The following POLRMT variants were observed in gnomAD, a reference collection of about 807,000 sequenced individuals.
The protein encoded by POLRMT is RNA polymerase mitochondrial, also known as DNA-directed RNA polymerase, mitochondrial.
A neutral mutation model predicts 132.2 loss-of-function variants in POLRMT; 114 were observed. The observed-to-expected ratio is 0.86, with a 90% CI of 0.74 to 1.01. The LOEUF is 1.01. Among genes scored for constraint, POLRMT ranks in the 50% least tolerant of loss-of-function variants. POLRMT has a pLI of 0.00. For synonymous variants in POLRMT, 1,020 were observed against 773.4 expected (o/e 1.32, Z -5.29); for missense variants, 2,003 against 1,729.1 (o/e 1.16, Z -2.81).
chr19:623,573 G>A lies in POLRMT; in HGVS notation c.1171C>T (p.Leu391=). The change falls in exon 6 of 21, where the codon CTG becomes TTG. Residue 391 remains leucine (L), a synonymous_variant. Coordinates refer to ENST00000588649, the MANE Select transcript of POLRMT (RefSeq NM_005035.4). ...AGGCACTGCAGGGTCTTCAAGGGCA[G>A]GTGCAGCTTCGGGTAGGACACACGC... is the stretch of plus-strand genomic sequence containing the variant. ...DGRVSYPKLH[L]PLKTLQCLFE... 3 of 1,613,742 alleles carry A rather than the reference G, an allele frequency of 1.9e-6. No homozygotes were observed. Among genetic ancestry groups the A allele is most frequent in the Non-Finnish European group, 2.5e-6 (3 of 1,179,996 alleles).
Position 630,025 on chromosome 19 carries a change from C to A in POLRMT, c.337G>T (p.Asp113Tyr). 6.2e-7 allele frequency: 1 copy of A among 1,613,900 alleles called. No individual in the cohort carries two copies. The highest frequency in any genetic ancestry group is 8.5e-7 in the Non-Finnish European group (1 of 1,180,034). Residue 113 changes from aspartate (D) to tyrosine (Y), a missense_variant, in exon 3 of 21, where the codon GAT becomes TAT. Coordinates refer to ENST00000588649, the MANE Select transcript of POLRMT (RefSeq NM_005035.4). ...PPRKVQMGAK[D>Y]ATPVPCGRWA... ...CGGCCACAGGGCACCGGGGTGGCAT[C>A]CTTGGCCCCCATCTGGACCTTCCTG...
intron 2 of POLRMT, among the ~76,000 whole-genome samples, chr19:632,454 A>AC (rs1238459690): frequency 7.0e-6 from 1 of 143,632 alleles, no homozygotes; most frequent in East Asian, 2.1e-4. Flanking sequence ...TTAGGCGCCT[A>AC]CCCCCCAGAG....
At chr19:622,076 A>T in intron 9 of POLRMT, 73 bp downstream of exon 9, 1 of 1,377,056 alleles carries the variant, frequency 7.3e-7, no homozygotes, top group South Asian at 1.4e-5. Flanking sequence ...CTCCGCCCAA[A>T]GGCGCCAACC....
chr19:629,579 C>T lies in POLRMT; in HGVS notation c.783G>A (p.Leu261=). 4 of 1,585,464 alleles carry T rather than the reference C, an allele frequency of 2.5e-6. No individual in the cohort carries two copies. Among genetic ancestry groups the T allele is most frequent in the South Asian group, 2.3e-5 (2 of 86,798 alleles). ...CAAGCATCACGGCGTTGTACATGTC[C>T]AGCGTGAGCAGCTTCCGCTTCTGCC... ...GQRQKRKLLT[L]DMYNAVMLGW... The change falls in exon 3 of 21, where the codon CTG becomes CTA. Residue 261 remains leucine (L), a synonymous_variant. Coordinates refer to ENST00000588649, the MANE Select transcript of POLRMT (RefSeq NM_005035.4).
In POLRMT at chr19:621,214, G is replaced by C. The variant is rs1984555846; in HGVS notation, c.2484C>G (p.Ala828=). ...SDVARALLEF[A]QGRPLGPHGL... ...CGTGCGGGCCGAGCGGGCGGCCCTG[G>C]GCGAACTCCAGCAGGGCCCGCGCCA... is the stretch of plus-strand genomic sequence containing the variant. Residue 828 remains alanine (A), a synonymous_variant, in exon 10 of 21, where the codon GCC becomes GCG. Transcript: ENST00000588649. 13 of 1,610,112 alleles carry C rather than the reference G, an allele frequency of 8.1e-6. No individual in the cohort carries two copies. Among genetic ancestry groups the C allele is most frequent in the Admixed American group, 1.7e-5 (1 of 59,856 alleles).
chr19:618,975 A>G (rs1251259336), intron 15 of POLRMT, 22 bp downstream of exon 15: 11 of 1,527,064 alleles, frequency 7.2e-6, no homozygotes, highest in Middle Eastern at 2.3e-4. Flanking sequence ...CACACTGGGG[A>G]GGGATGGGGT....
chr19:629,955 C>T lies in POLRMT; in HGVS notation c.407G>A (p.Arg136His), dbSNP rs772006827. Reference sequence around the variant, plus strand: ...CAGCTTCGCCTTCAACCGCTGCATACGCATCTGCTGGGTCCGCTTATCCTT... The same window carrying T: ...CAGCTTCGCCTTCAACCGCTGCATATGCATCTGCTGGGTCCGCTTATCCTT... ...LEKDKRTQQM[R>H]MQRLKAKLQM... is the part of the protein sequence containing the mutation. The change falls in exon 3 of 21, where the codon CGT (arginine) becomes CAT (histidine). Residue 136 changes from arginine (R) to histidine (H), a missense_variant. Coordinates refer to ENST00000588649, the MANE Select transcript of POLRMT (RefSeq NM_005035.4). 12 of 1,613,680 alleles carry T rather than the reference C, an allele frequency of 7.4e-6. No individual in the cohort carries two copies. Among genetic ancestry groups the T allele is most frequent in the South Asian group, 5.5e-5 (5 of 91,082 alleles).
chr19:618,355 G>A, intron 17 of POLRMT, 133 bp downstream of exon 17: 1 of 700,604 alleles, frequency 1.4e-6, no homozygotes, highest in Admixed American at 2.9e-5. Flanking sequence ...CTCTACACAG[G>A]CCCCACAGAC....
At chr19:618,001 C>T in intron 17 of POLRMT, 152 bp from the exon 18 acceptor site, 1 of 664,988 alleles carries the variant, frequency 1.5e-6, no homozygotes, top group Non-Finnish European at 2.7e-6. Context: ...CCGCCCCTCC[C>T]CAAACATCCT....
chr19:631,353 C>A (rs1985404678), intron 2 of POLRMT, among the ~76,000 whole-genome samples: 1 of 149,642 alleles, frequency 6.7e-6, no homozygotes, highest in Non-Finnish European at 1.5e-5. Flanking sequence ...GGGGGGGACC[C>A]AGGTGTCCAG....
intron 17 of POLRMT, 170 bp from the exon 18 acceptor site, chr19:618,019 G>GTATCA (rs1243864558): frequency 1.6e-6 from 1 of 640,048 alleles, no homozygotes; most frequent in Admixed American, 2.4e-5. Flanking sequence ...CCTGGGTTAG[G>GTATCA]TATCAGTACA....
intron 5 of POLRMT, among the ~76,000 whole-genome samples, chr19:624,028 G>A (rs1362796143): frequency 6.6e-6 from 1 of 152,240 alleles, no homozygotes; most frequent in African/African-American, 2.4e-5. Flanking sequence ...ATAAAAGCTT[G>A]TACACAAACG....
At chr19:628,099 G>C (rs962313410) in intron 3 of POLRMT, among the ~76,000 whole-genome samples, 3 of 152,098 alleles carry the variant, frequency 2.0e-5, no homozygotes, top group African/African-American at 7.2e-5. Context: ...AGGACTGCTG[G>C]CCACCCCGGA....
rs771445800 is a variant in POLRMT at position 621,240 on chromosome 19, C to T, written c.2458G>A (p.Val820Met). 6.8e-6 allele frequency: 11 copies of T among 1,608,962 alleles called. No individual in the cohort carries two copies. The highest frequency in any genetic ancestry group is 1.7e-5 in the Admixed American group (1 of 59,822). ...PPHFNHLGSD[V>M]ARALLEFAQG... is the part of the protein sequence containing the mutation. Reference sequence around the variant, plus strand: ...GCGAACTCCAGCAGGGCCCGCGCCACGTCGCTGCCCAGGTGGTTGAAGTGC... The same window carrying T: ...GCGAACTCCAGCAGGGCCCGCGCCATGTCGCTGCCCAGGTGGTTGAAGTGC... The change falls in exon 10 of 21, where the codon GTG becomes ATG. Residue 820 changes from valine to methionine, a missense_variant. Transcript: ENST00000588649.
chr19:630,097 C>T lies in POLRMT; in HGVS notation c.265G>A (p.Ala89Thr). 6.2e-7 allele frequency: 1 copy of T among 1,613,604 alleles called. No individual in the cohort carries two copies. Among genetic ancestry groups the T allele is most frequent in the South Asian group, 1.1e-5 (1 of 91,066 alleles). ...SEVVVNRVDV[A>T]RLPECGSGDG... is the part of the protein sequence containing the mutation. ...CCACTGCCACATTCTGGGAGCCGCGCCACATCCACCCTGTTCACCACCACC... is the reference window on the plus strand; with the variant it reads ...CCACTGCCACATTCTGGGAGCCGCGTCACATCCACCCTGTTCACCACCACC... The change falls in exon 3 of 21, where the codon GCG becomes ACG. Residue 89 changes from alanine (A) to threonine (T), a missense_variant. Ala to Thr is a moderately conservative substitution (Grantham distance 58). Coordinates refer to ENST00000588649, the MANE Select transcript of POLRMT (RefSeq NM_005035.4).
intron 5 of POLRMT, among the ~76,000 whole-genome samples, chr19:624,280 A>AGGGGATGGGGAGTGAC (rs1317531313): frequency 6.6e-6 from 1 of 151,736 alleles, no homozygotes; most frequent in African/African-American, 2.4e-5. Context: ...ACAGATGGGG[A>AGGGGATGGGGAGTGAC]GGGGATGGGG....
Position 618,780 on chromosome 19 carries a change from G to T in POLRMT, c.3268-20C>A. 2 of 1,582,820 alleles carry T rather than the reference G, an allele frequency of 1.3e-6. No individual in the cohort carries two copies. Among genetic ancestry groups the T allele is most frequent in the East Asian group, 2.3e-5 (1 of 43,006 alleles). On this transcript the variant is annotated intron_variant, in intron 15 of 20. Transcript: ENST00000588649. ...TATTTGCTAAAAAGGGGAAGGGGCC[G>T]GTGAGTCCCACCCGAGGCCCAGCAC...
In POLRMT at chr19:618,671, C is replaced by T. The variant is rs370550113; in HGVS notation, c.3323+34G>A. The stretch of plus-strand genomic sequence containing the variant: ...CTCCACCGTGGCTGCTCTCCAGACC[C>T]CCGGCCAGGCCCCAGCCCGGGCCCC... On this transcript the variant is annotated intron_variant, in intron 16 of 20. Transcript: ENST00000588649. 4 of 1,604,326 alleles carry T rather than the reference C, an allele frequency of 2.5e-6. No homozygotes were observed. The African/African-American group carries it at 5.4e-5, about 21-fold the overall frequency.
intron 18 of POLRMT, 52 bp from the exon 19 acceptor site, chr19:617,707 C>G: frequency 3.1e-6 from 5 of 1,611,296 alleles, no homozygotes; most frequent in Non-Finnish European, 4.2e-6. Flanking sequence ...CTCTGGGCAC[C>G]ACCCCTACCC....
Sources: gnomAD v4.1 joint callset for allele counts (sites outside exome capture counted in the v4.1 genomes callset) on GRCh38, gnomAD v4.1.1 for gene constraint, MANE v1.5 for transcripts, NCBI Gene and HGNC (gene_info 2026-07-23, HGNC 2026-07-21) for gene names.